Variants in TENM3 observed in about 807,000 individuals in gnomAD.
The protein encoded by TENM3 is teneurin-3.
TENM3 carries 63 observed loss-of-function variants against 255.1 expected under a neutral mutation model. The observed-to-expected ratio is 0.25, with a 90% CI of 0.20 to 0.30. The LOEUF is 0.30. Ranked by LOEUF, TENM3 falls within the 10% of genes least tolerant of loss-of-function variation. The probability of loss-of-function intolerance (pLI) is 1.00; values close to 1 mark genes in which losing one functional copy is unlikely to be tolerated. For synonymous variants in TENM3, 1,306 were observed against 1,322.3 expected, an observed-to-expected ratio of 0.99 and a Z score of 0.27; for missense variants, 2,929 against 3,461.1, an observed-to-expected ratio of 0.85 and a Z score of 3.86.
the TENM3 span, among the ~76,000 whole-genome samples, chr4:181,978,005 T>C: frequency 6.6e-6 from 1 of 152,130 alleles, no homozygotes; most frequent in African/African-American, 2.4e-5. Flanking sequence ...GCCAAGTCAT[T>C]CCAAGTAAAG....
chr4:181,794,386 A>C, the TENM3 span, among the ~76,000 whole-genome samples: 1 of 152,134 alleles, frequency 6.6e-6, no homozygotes, highest in Non-Finnish European at 1.5e-5. Context: ...TTAGATCTCC[A>C]GAAATTTATT....
intron 2 of TENM3, among the ~76,000 whole-genome samples, chr4:182,330,324 G>A (rs769657272): frequency 2.0e-5 from 3 of 152,220 alleles, no homozygotes; most frequent in African/African-American, 4.8e-5. Context: ...CAGTCATGGG[G>A]AAGTGTGATT....
intron 3 of TENM3, among the ~76,000 whole-genome samples, chr4:182,409,592 C>T (rs555711039): frequency 2.8e-4 from 43 of 152,152 alleles, no homozygotes; most frequent in Middle Eastern, 3.4e-3. Context: ...CTTCAGCAGT[C>T]GATGATGAGG....
At chr4:182,037,596 C>CA in the TENM3 span, among the ~76,000 whole-genome samples, 2 of 152,144 alleles carry the variant, frequency 1.3e-5, no homozygotes, top group Non-Finnish European at 2.9e-5. Context: ...AGCGAGTTAC[C>CA]ACCCCAAGGG....
the TENM3 span, among the ~76,000 whole-genome samples, chr4:181,743,612 G>T: frequency 0.015 from 2,245 of 152,206 alleles, 32 homozygotes; most frequent in Non-Finnish European, 0.022. Flanking sequence ...CAGCAGAGGG[G>T]CTCAGAGAGG....
the TENM3 span, among the ~76,000 whole-genome samples, chr4:181,633,984 A>G: frequency 6.6e-6 from 1 of 152,120 alleles, no homozygotes; most frequent in Non-Finnish European, 1.5e-5. Context: ...ACCTTCTTCC[A>G]TATTTGCGGT....
chr4:182,784,312 C>A lies in TENM3; in HGVS notation c.5305-4781C>A, dbSNP rs200916812. On this transcript the variant is annotated intron_variant, in intron 24 of 27. Transcript: ENST00000511685. ...CTGCAGGTCTGTTGGAATACCCTGC[C>A]GTGTGAGGTGTCAGTGTGCCCCTGC... is the stretch of plus-strand genomic sequence containing the variant. Among the ~76,000 whole-genome samples, 20 of 152,020 alleles carry A rather than the reference C, an allele frequency of 1.3e-4. No individual in the cohort carries two copies. In the East Asian group the frequency reaches 3.5e-3, roughly 27 times the overall value.
the TENM3 span, among the ~76,000 whole-genome samples, chr4:182,069,923 G>C: frequency 6.6e-6 from 1 of 152,184 alleles, no homozygotes; most frequent in African/African-American, 2.4e-5. Context: ...ACTACAGCAT[G>C]ATATTTAGGA....
intron 4 of TENM3, among the ~76,000 whole-genome samples, chr4:182,621,815 TA>T: frequency 8.3e-6 from 1 of 119,912 alleles, no homozygotes; most frequent in East Asian, 2.2e-4. Context: ...ATATATTATA[TA>T]TATATATATT....
At chr4:181,592,486 A>G in the TENM3 span, among the ~76,000 whole-genome samples, 21 of 152,122 alleles carry the variant, frequency 1.4e-4, no homozygotes, top group Non-Finnish European at 2.5e-4. Flanking sequence ...TGACTGAACA[A>G]CAGGAAGGAG....
At chr4:182,071,944 A>T in the TENM3 span, among the ~76,000 whole-genome samples, 6 of 152,196 alleles carry the variant, frequency 3.9e-5, no homozygotes, top group African/African-American at 1.4e-4. Context: ...AACCAAAACC[A>T]AAACAAAACA....
At chr4:181,947,793 G>A in the TENM3 span, among the ~76,000 whole-genome samples, 2 of 152,076 alleles carry the variant, frequency 1.3e-5, no homozygotes, top group African/African-American at 2.4e-5. Context: ...CAGTATCAGT[G>A]GCAAAATCTG....
intron 27 of TENM3, among the ~76,000 whole-genome samples, chr4:182,798,598 G>C (rs55993110): frequency 0.25 from 37,569 of 152,198 alleles, 5,931 homozygotes; most frequent in African/African-American, 0.45. Flanking sequence ...GTGGCATGAA[G>C]ACATACCGAA....
chr4:182,080,990 C>CA, the TENM3 span, among the ~76,000 whole-genome samples: 11 of 149,462 alleles, frequency 7.4e-5, no homozygotes, highest in African/African-American at 1.2e-4. Context: ...CACCCTGTCT[C>CA]AAAAAAAAAC....
the TENM3 span, among the ~76,000 whole-genome samples, chr4:181,552,432 A>G: frequency 1.3e-5 from 2 of 152,222 alleles, no homozygotes; most frequent in Non-Finnish European, 2.9e-5. Context: ...GTGATGGTGC[A>G]ATAGAAAGCC....
the TENM3 span, among the ~76,000 whole-genome samples, chr4:181,651,477 A>G: frequency 1.3e-5 from 2 of 152,062 alleles, no homozygotes; most frequent in African/African-American, 4.8e-5. Context: ...AATCTCAGCT[A>G]CATGGGAAGC....
chr4:182,126,973 C>G, the TENM3 span, among the ~76,000 whole-genome samples: 2 of 152,094 alleles, frequency 1.3e-5, no homozygotes, highest in African/African-American at 4.8e-5. Context: ...AAAGTGTGGC[C>G]TTCTTAAGGC....
chr4:181,883,724 G>A, the TENM3 span, among the ~76,000 whole-genome samples: 9 of 152,054 alleles, frequency 5.9e-5, no homozygotes, highest in East Asian at 1.9e-4. Flanking sequence ...TGATCCGCCC[G>A]CCTCAGCCCC....
chr4:182,090,306 G>A, the TENM3 span, among the ~76,000 whole-genome samples: 9 of 152,192 alleles, frequency 5.9e-5, no homozygotes, highest in Non-Finnish European at 1.2e-4. Flanking sequence ...CATGTTTGGC[G>A]ACAGACCACC....
Sources: allele counts gnomAD v4.1 joint callset (sites outside exome capture counted in the v4.1 genomes callset), GRCh38; gene constraint gnomAD v4.1.1; transcripts MANE v1.5; gene names NCBI Gene and HGNC (gene_info 2026-07-23, HGNC 2026-07-21).